The following DENND1A variants were observed in gnomAD, a reference collection of about 807,000 sequenced individuals.
DENND1A encodes DENN domain-containing protein 1A.
DENND1A carries 51 observed loss-of-function variants against 113.7 expected under a neutral mutation model. The ratio of observed to expected loss-of-function variants is 0.45; its 90% confidence interval spans 0.36 to 0.57. DENND1A has a LOEUF of 0.57. DENND1A is among the 20% of genes least tolerant of loss of function. The pLI is 0.00. For missense variants in DENND1A, 1,258 were observed against 1,395.9 expected, an observed-to-expected ratio of 0.90 and a Z score of 1.57; for synonymous variants, 565 against 570.8, an observed-to-expected ratio of 0.99 and a Z score of 0.14.
chr9:123,858,064 A>G (rs1203417437), intron 2 of DENND1A, among the ~76,000 whole-genome samples: 6 of 151,682 alleles, frequency 4.0e-5, no homozygotes, highest in Admixed American at 6.6e-5. Context: ...GTCTCAAAAA[A>G]AAAAAAAAAA....
At chr9:123,601,342 C>T (rs1416067076) in intron 11 of DENND1A, among the ~76,000 whole-genome samples, 2 of 152,114 alleles carry the variant, frequency 1.3e-5, no homozygotes, top group Admixed American at 1.3e-4. Flanking sequence ...TAACTAATTC[C>T]AACATTAGGA....
rs1425134578 is a variant in DENND1A at position 123,565,899 on chromosome 9, G to A, written c.868-8204C>T. ...TCTGTAAGAACAAGAAATTTATCAGGAGAAAGGAACAGAAACCAGTATTTA... is the reference window on the plus strand; with the variant it reads ...TCTGTAAGAACAAGAAATTTATCAGAAGAAAGGAACAGAAACCAGTATTTA... On this transcript the variant is annotated intron_variant, in intron 12 of 23. Transcript: ENST00000394215. Among the ~76,000 whole-genome samples, 3 of 152,180 alleles carry A rather than the reference G, an allele frequency of 2.0e-5. No individual in the cohort carries two copies. The East Asian group carries it at 5.8e-4, about 29-fold the overall frequency.
chr9:123,898,759 T>C (rs73577763), intron 1 of DENND1A, among the ~76,000 whole-genome samples: 3,832 of 152,326 alleles, frequency 0.025, 168 homozygotes, highest in African/African-American at 0.088. Context: ...TTTGATAAAG[T>C]TCAGTTTACT....
intron 18 of DENND1A, among the ~76,000 whole-genome samples, chr9:123,446,678 A>T (rs1334598385): frequency 2.0e-5 from 3 of 152,148 alleles, no homozygotes; most frequent in Non-Finnish European, 4.4e-5. Flanking sequence ...TTAGCCAGGC[A>T]TGGTGGTGCA....
chr9:123,739,831 T>G (rs1202479999), intron 5 of DENND1A, among the ~76,000 whole-genome samples: 1 of 150,688 alleles, frequency 6.6e-6, no homozygotes, highest in African/African-American at 2.4e-5. Context: ...TCCAGTAAAA[T>G]AAAATCTGAC....
chr9:123,803,887 G>A (rs376099363), intron 2 of DENND1A, among the ~76,000 whole-genome samples: 5 of 152,044 alleles, frequency 3.3e-5, no homozygotes, highest in East Asian at 1.9e-4. Context: ...TCACCTCACC[G>A]CTTCTCTGAA....
intron 1 of DENND1A, among the ~76,000 whole-genome samples, chr9:123,906,402 A>G (rs1341965275): frequency 2.4e-5 from 3 of 123,390 alleles, no homozygotes; most frequent in Non-Finnish European, 4.7e-5. Flanking sequence ...CCCTTCAAAA[A>G]ATTAATGAAT....
At chr9:123,822,550 A>G (rs1232758928) in intron 2 of DENND1A, among the ~76,000 whole-genome samples, 2 of 152,228 alleles carry the variant, frequency 1.3e-5, no homozygotes, top group Admixed American at 6.5e-5. Flanking sequence ...GCAGAATTAC[A>G]TTTCTTTAAA....
intron 19 of DENND1A, chr9:123,414,156 G>T (rs2044530557): frequency 2.0e-6 from 2 of 1,007,692 alleles, no homozygotes; most frequent in African/African-American, 1.7e-5. Context: ...TTACTCCCTG[G>T]GTTACTCCAG....
intron 2 of DENND1A, among the ~76,000 whole-genome samples, chr9:123,827,758 T>G (rs969827226): frequency 6.6e-6 from 1 of 152,002 alleles, no homozygotes; most frequent in Non-Finnish European, 1.5e-5. Context: ...TTATACCTCA[T>G]GAGATGGGTA....
At chr9:123,879,224 G>A (rs754254149) in intron 1 of DENND1A, among the ~76,000 whole-genome samples, 4 of 151,910 alleles carry the variant, frequency 2.6e-5, no homozygotes, top group Non-Finnish European at 4.4e-5. Flanking sequence ...AAGAATTACT[G>A]TAAAACTTGA....
At chr9:123,611,856 T>G (rs939648884) in intron 10 of DENND1A, among the ~76,000 whole-genome samples, 1 of 152,084 alleles carries the variant, frequency 6.6e-6, no homozygotes, top group Admixed American at 6.5e-5. Flanking sequence ...AATGATACCC[T>G]GAAAGGAAAA....
intron 11 of DENND1A, among the ~76,000 whole-genome samples, chr9:123,590,686 T>C (rs1032180545): frequency 2.6e-5 from 4 of 152,230 alleles, no homozygotes; most frequent in Non-Finnish European, 5.9e-5. Context: ...CATGATCGTA[T>C]AAAACTGTCA....
chr9:123,597,931 A>G (rs1001314051), intron 11 of DENND1A, among the ~76,000 whole-genome samples: 2 of 152,222 alleles, frequency 1.3e-5, no homozygotes, highest in Non-Finnish European at 2.9e-5. Context: ...TGGCTGCCAG[A>G]GGCAGGAAAG....
At position 123,454,631 on chromosome 9, in the gene DENND1A, C is replaced by A; in HGVS notation, c.1227+108G>T. 3 of 1,128,974 alleles carry A rather than the reference C, an allele frequency of 2.7e-6. No homozygotes were observed. The East Asian group carries it at 7.7e-5, about 29-fold the overall frequency. 69.9% of individuals were successfully genotyped at this position (1,128,974 alleles called of 1,614,324 possible). A position where few individuals can be genotyped will look rare whatever the true frequency, so the allele number is the denominator to read the frequency against. Reference sequence around the variant, plus strand: ...GCTTTACAAACAAAGGCATCTCCAGCAGAGAGAATGGAGTGCTCCAGGATG... The same window carrying A: ...GCTTTACAAACAAAGGCATCTCCAGAAGAGAGAATGGAGTGCTCCAGGATG... On this transcript the variant is annotated intron_variant, in intron 16 of 23. Coordinates refer to ENST00000394215, the MANE Select transcript of DENND1A (RefSeq NM_001352964.2).
chr9:123,899,386 T>C (rs189557352), intron 1 of DENND1A, among the ~76,000 whole-genome samples: 3 of 152,260 alleles, frequency 2.0e-5, no homozygotes, highest in Non-Finnish European at 4.4e-5. Flanking sequence ...CTCTCCCCCA[T>C]ATTCAATTAA....
intron 2 of DENND1A, chr9:123,798,137 C>T (rs1282580723): frequency 6.6e-6 from 1 of 152,140 alleles, no homozygotes; most frequent in Non-Finnish European, 1.5e-5. Context: ...CCAACACTGG[C>T]ATTTAAAGTA....
At chr9:123,526,546 G>C (rs546858631) in intron 13 of DENND1A, among the ~76,000 whole-genome samples, 2 of 152,274 alleles carry the variant, frequency 1.3e-5, no homozygotes, top group South Asian at 4.2e-4. Flanking sequence ...AATGCCCCGA[G>C]GGCTTGTCTG....
intron 13 of DENND1A, among the ~76,000 whole-genome samples, chr9:123,484,617 G>A (rs1034160168): frequency 1.3e-5 from 2 of 152,096 alleles, no homozygotes; most frequent in African/African-American, 4.8e-5. Flanking sequence ...CCCTTGCTCC[G>A]CACCCCATAG....
Sources: gnomAD v4.1 joint callset for allele counts (sites outside exome capture counted in the v4.1 genomes callset) on GRCh38, gnomAD v4.1.1 for gene constraint, MANE v1.5 for transcripts, NCBI Gene and HGNC (gene_info 2026-07-23, HGNC 2026-07-21) for gene names.